Variants in SERPINB6 observed in about 807,000 individuals in gnomAD.
SERPINB6 encodes the protein serpin B6.
In SERPINB6, 16 loss-of-function variants were observed where a neutral mutation model predicts 26.1. The ratio of observed to expected loss-of-function variants is 0.61; its 90% CI spans 0.42 to 0.93. SERPINB6 has a LOEUF of 0.93. Among genes scored for constraint, SERPINB6 ranks in the 40% least tolerant of loss-of-function variants. The pLI is 0.00. For synonymous variants in SERPINB6, 174 were observed against 176.6 expected (o/e 0.99, Z 0.11); for missense variants, 420 against 478.0 (o/e 0.88, Z 1.13).
At chr6:2,957,911 A>G (rs3799199) in intron 2 of SERPINB6, 37,355 of 152,282 alleles carry the variant, frequency 0.25, 4,969 homozygotes, top group Non-Finnish European at 0.3. Context: ...ATCAAGGAAC[A>G]CCCTGCACCC....
Position 2,959,413 on chromosome 6 carries a change from GAC to G in SERPINB6, c.-10-73_-10-72del, listed in dbSNP as rs779789774. ...GCGACTGCATCTCACGCGCCTTACCGACAGTCACCGCCGATGCTGTGGTTCAG... is the reference window on the plus strand; with the variant it reads ...GCGACTGCATCTCACGCGCCTTACCGAGTCACCGCCGATGCTGTGGTTCAG... On this transcript the variant is annotated intron_variant, in intron 1 of 6. Transcript: ENST00000380539. 4 of 1,508,256 alleles carry G rather than the reference GAC, an allele frequency of 2.7e-6. No homozygotes were observed. The South Asian group carries it at 3.4e-5, about 13-fold the overall frequency. 93.4% of individuals were successfully genotyped at this position (1,508,256 alleles called of 1,614,324 possible).
chr6:2,959,042 A>G (rs1306199051), intron 2 of SERPINB6, 126 bp downstream of exon 2: 3 of 1,289,926 alleles, frequency 2.3e-6, no homozygotes, highest in African/African-American at 1.5e-5. Flanking sequence ...CCTTCCCTGT[A>G]AACTCGCCAC....
At chr6:2,952,992 G>A (rs1208462300) in intron 5 of SERPINB6, 52 bp downstream of exon 5, 75 of 1,611,788 alleles carry the variant, frequency 4.7e-5, no homozygotes, top group Non-Finnish European at 5.8e-5. Context: ...GCCCCGAGCC[G>A]GAGACGCTCG....
Position 2,948,893 on chromosome 6 carries a change from C to T in SERPINB6, c.729+21G>A, listed in dbSNP as rs748700537. On this transcript the variant is annotated intron_variant, in intron 6 of 6. Transcript: ENST00000380539. This position sits in a 1 kb window ranked among gnomAD's most constrained non-coding sequence, Gnocchi z 5.0. The stretch of plus-strand genomic sequence containing the variant: ...CGAGTGGCTCCTTGCTAGCACGCCT[C>T]GCTCACAGCTTAGCTGTTACCGTTC... 10 of 1,614,028 alleles carry T rather than the reference C, an allele frequency of 6.2e-6. No homozygotes were observed. Among genetic ancestry groups the T allele is most frequent in the African/African-American group, 2.7e-5 (2 of 74,922 alleles).
rs2113090321 is a variant in SERPINB6, at chr6:2,948,427, T to C, written c.1002A>G (p.Thr334=). ...CACACCGCATCATCATGATGGCAGCTGTGGCGGCTGCAGCCTCCGTGCCTT... is the reference window on the plus strand; with the variant it reads ...CACACCGCATCATCATGATGGCAGCCGTGGCGGCTGCAGCCTCCGTGCCTT... ...NEEGTEAAAA[T]AAIMMMRCAR... The change falls in exon 7 of 7, where the codon ACA becomes ACG. Residue 334 remains threonine, a synonymous_variant. Coordinates refer to ENST00000380539, the MANE Select transcript of SERPINB6 (RefSeq NM_004568.6). This position sits in a 1 kb window ranked among gnomAD's most constrained non-coding sequence, Gnocchi z 5.0. The C allele has an allele frequency of 6.2e-7, 1 of 1,614,078 alleles. No homozygotes were observed. The highest frequency in any genetic ancestry group is 1.3e-5 in the African/African-American group (1 of 75,052).
rs1769379869 is a variant in SERPINB6, at chr6:2,948,563, A to C, written c.866T>G (p.Leu289Arg). ...SYDMESVLRN[L>R]GMTDAFELGK... is the part of the protein sequence containing the mutation. ...CAGCTCGAAGGCATCAGTCATGCCC[A>C]GGTTGCGCAGGACACTCTCCATGTC... is the stretch of plus-strand genomic sequence containing the variant. Residue 289 changes from leucine to arginine, a missense_variant, in exon 7 of 7, where the codon CTG becomes CGG. By Grantham distance (102) the Leu-to-Arg change is moderately radical (BLOSUM62 -2). Transcript: ENST00000380539. This position sits in a 1 kb window ranked among gnomAD's most constrained non-coding sequence, Gnocchi z 5.0. 6.2e-7 allele frequency: 1 copy of C among 1,614,082 alleles called. No individual in the cohort carries two copies. The highest frequency in any genetic ancestry group is 1.3e-5 in the African/African-American group (1 of 74,920).
intron 1 of SERPINB6, chr6:2,963,412 C>G (rs1771328009): frequency 6.6e-6 from 1 of 152,218 alleles, no homozygotes; most frequent in Non-Finnish European, 1.5e-5. Context: ...CCAGAGAACC[C>G]AGGGCAACAA....
At position 2,959,335 on chromosome 6, in the gene SERPINB6, T is replaced by G; in HGVS notation, c.-3A>C. ...TTTGCTTCTGCGAGAACATCCATGA[T>G]GGCAGACCTGGAACAAGATTTAAAA... On this transcript the variant is annotated 5_prime_UTR_variant, in exon 2 of 7. Coordinates refer to ENST00000380539, the MANE Select transcript of SERPINB6 (RefSeq NM_004568.6). 5 of 1,614,026 alleles carry G rather than the reference T, an allele frequency of 3.1e-6. No individual in the cohort carries two copies. The highest frequency in any genetic ancestry group is 4.2e-6 in the Non-Finnish European group (5 of 1,180,046).
chr6:2,970,418 T>C (rs747401392), intron 1 of SERPINB6: 24 of 1,045,574 alleles, frequency 2.3e-5, no homozygotes, highest in Middle Eastern at 4.4e-4. Context: ...AAACGCCATC[T>C]ATGCTGATAA....
intron 1 of SERPINB6, chr6:2,971,247 C>G: frequency 3.3e-6 from 3 of 918,050 alleles, no homozygotes; most frequent in Non-Finnish European, 3.9e-6. Context: ...GCACGACTCA[C>G]CCGGCCGCGT....
In SERPINB6 at chr6:2,948,888, C is replaced by A; in HGVS notation, c.729+26G>T. ...ACCCCCGAGTGGCTCCTTGCTAGCA[C>A]GCCTCGCTCACAGCTTAGCTGTTAC... On this transcript the variant is annotated intron_variant, in intron 6 of 6. Coordinates refer to ENST00000380539, the MANE Select transcript of SERPINB6 (RefSeq NM_004568.6). This position sits in a 1 kb window ranked among gnomAD's most constrained non-coding sequence, Gnocchi z 5.0. 6.2e-7 allele frequency: 1 copy of A among 1,614,102 alleles called. No individual in the cohort carries two copies. The highest frequency in any genetic ancestry group is 8.5e-7 in the Non-Finnish European group (1 of 1,180,008).
At chr6:2,970,308 AAT>A in intron 1 of SERPINB6, 20 of 986,770 alleles carry the variant, frequency 2.0e-5, no homozygotes, top group Non-Finnish European at 2.4e-5. Context: ...CTTAACTTAA[AAT>A]ACTTAGTTTA....
At chr6:2,963,171 C>T (rs1771300242) in intron 1 of SERPINB6, among the ~76,000 whole-genome samples, 1 of 152,038 alleles carries the variant, frequency 6.6e-6, no homozygotes, top group African/African-American at 2.4e-5. Context: ...GAAAAACAGA[C>T]CCCAGTAGAA....
chr6:2,960,760 G>A (rs1241921802), intron 1 of SERPINB6: 4 of 152,346 alleles, frequency 2.6e-5, no homozygotes, highest in African/African-American at 7.2e-5. Flanking sequence ...AGATACCTGG[G>A]TCATAATCCC....
At position 2,964,391 on chromosome 6, in the gene SERPINB6, G is replaced by A. The variant is rs114586240; in HGVS notation, c.-10-5049C>T. On this transcript the variant is annotated intron_variant, in intron 1 of 6. Transcript: ENST00000380539. ...ATAATAAAAATCACAGTAATGACAT[G>A]GGAATACACAAGATTACATTAAAAA... 5.7e-3 allele frequency among the ~76,000 whole-genome samples: 869 copies of A among 151,928 alleles called. 7 individuals are homozygous for A. The highest frequency in any genetic ancestry group is 0.02 in the African/African-American group (814 of 41,412).
rs1769314649 is a variant in SERPINB6, at chr6:2,948,166, G to A, written c.*132C>T. ...ACACACAAACACACGGAGTGAATGC[G>A]GCATCCCACAAATGGGCCCTTTATT... On this transcript the variant is annotated 3_prime_UTR_variant, in exon 7 of 7. Coordinates refer to ENST00000380539, the MANE Select transcript of SERPINB6 (RefSeq NM_004568.6). The surrounding 1 kb of genome is among the most constrained non-coding windows in gnomAD (Gnocchi z 5.0). 1.0e-5 allele frequency: 10 copies of A among 970,560 alleles called. No individual in the cohort carries two copies. Among genetic ancestry groups the A allele is most frequent in the South Asian group, 2.7e-5 (2 of 74,086 alleles). The allele number at this position is 970,560 out of a possible 1,614,324, so 60.1% of individuals were successfully genotyped here.
intron 1 of SERPINB6, among the ~76,000 whole-genome samples, chr6:2,961,523 A>T (rs1771103202): frequency 6.6e-6 from 1 of 152,206 alleles, no homozygotes; most frequent in Admixed American, 6.5e-5. Context: ...CTGCCCGCTT[A>T]TCAACTTGAA....
chr6:2,954,646 C>G lies in SERPINB6; in HGVS notation c.376G>C (p.Ala126Pro). 6.2e-7 allele frequency: 1 copy of G among 1,614,044 alleles called. No homozygotes were observed. Among genetic ancestry groups the G allele is most frequent in the Non-Finnish European group, 8.5e-7 (1 of 1,180,014 alleles). The change falls in exon 4 of 7, where the codon GCC (alanine) becomes CCC (proline). Residue 126 changes from alanine (A) to proline (P), a missense_variant. Coordinates refer to ENST00000380539, the MANE Select transcript of SERPINB6 (RefSeq NM_004568.6). ...AEMEELDFIS[A>P]VEKSRKHINT... is the part of the protein sequence containing the mutation. ...ATGTGTTTTCTGGACTTCTCTACGG[C>G]GCTGATAAAGTCAAGCTCCTCCATC... is the stretch of plus-strand genomic sequence containing the variant.
chr6:2,971,408 G>C, intron 1 of SERPINB6, 125 bp downstream of exon 1: 1 of 159,170 alleles, frequency 6.3e-6, no homozygotes, highest in Non-Finnish European at 1.3e-5. Context: ...GTCGACCCAC[G>C]CGCGTTCCCG....
Sources: gnomAD v4.1 joint callset for allele counts (sites outside exome capture counted in the v4.1 genomes callset) on GRCh38, gnomAD v4.1.1 for gene constraint, Gnocchi (gnomAD v3.1) non-coding constraint, MANE v1.5 for transcripts, NCBI Gene and HGNC (gene_info 2026-07-23, HGNC 2026-07-21) for gene names.